MYT1: variants seen among roughly 807,000 people sequenced by gnomAD.
The protein encoded by MYT1 is myelin transcription factor 1, also known as myelin transcription factor I.
A neutral mutation model predicts 123.0 loss-of-function variants in MYT1; 23 were observed. The observed-to-expected ratio is 0.19, with a 90% CI of 0.13 to 0.26. MYT1 has a LOEUF of 0.26. Ranked by LOEUF, MYT1 falls within the 10% of genes least tolerant of loss-of-function variation. The pLI is 1.00. For synonymous variants in MYT1, 518 were observed against 575.3 expected (o/e 0.90, Z 1.43); for missense variants, 1,125 against 1,472.5 (o/e 0.76, Z 3.86).
At chr20:64,199,270 A>T (rs1983218757) in intron 3 of MYT1, among the ~76,000 whole-genome samples, 1 of 152,170 alleles carries the variant, frequency 6.6e-6, no homozygotes, top group Non-Finnish European at 1.5e-5. Context: ...CTTGGTGCTA[A>T]TGGGGCATAG....
chr20:64,204,934 A>G lies in MYT1; in HGVS notation c.87-101A>G, dbSNP rs536163711. 141 of 1,196,764 alleles carry G rather than the reference A, an allele frequency of 1.2e-4. No homozygotes were observed. In the African/African-American group the frequency reaches 1.6e-3, roughly 14 times the overall value. 74.1% of individuals were successfully genotyped at this position (1,196,764 alleles called of 1,614,324 possible). ...ACTGCAGGCAGCCATTCTGAGGTGA[A>G]TCGTCTGGAGACATTCTGCTCCCCA... On this transcript the variant is annotated intron_variant, in intron 4 of 22. Coordinates refer to ENST00000328439, the MANE Select transcript of MYT1 (RefSeq NM_004535.3).
chr20:64,180,509 C>T (rs1982622573), intron 1 of MYT1, among the ~76,000 whole-genome samples: 1 of 152,232 alleles, frequency 6.6e-6, no homozygotes, highest in Non-Finnish European at 1.5e-5. Context: ...CCCCTCTCTG[C>T]AGGCCAACCT....
chr20:64,230,640 C>T (rs150836952), intron 18 of MYT1, among the ~76,000 whole-genome samples: 3 of 152,370 alleles, frequency 2.0e-5, no homozygotes, highest in Non-Finnish European at 4.4e-5. Context: ...CAGGTGTCCC[C>T]CAGGGTCCCA....
rs530449925 is a variant in MYT1 at position 64,168,370 on chromosome 20, C to T, written c.-99+3631C>T. ...CAGGGTTAATGCCATTAGGAGCGTT[C>T]CTTGTGGGAAGATTGGTTTCACCCA... On this transcript the variant is annotated intron_variant, in intron 1 of 22. Transcript: ENST00000328439. The surrounding 1 kb of genome is among the most constrained non-coding windows in gnomAD (Gnocchi z 6.1). Among the ~76,000 whole-genome samples the T allele has an allele frequency of 4.6e-5, 7 of 152,310 alleles. No homozygotes were observed. Among genetic ancestry groups the T allele is most frequent in the African/African-American group, 1.7e-4 (7 of 41,562 alleles).
intron 4 of MYT1, among the ~76,000 whole-genome samples, chr20:64,204,557 C>T (rs554064031): frequency 2.0e-5 from 3 of 152,320 alleles, no homozygotes; most frequent in Non-Finnish European, 4.4e-5. Flanking sequence ...GTCCTGGCTC[C>T]GTTTGCTGGG....
At chr20:64,210,467 G>T (rs969369957) in intron 7 of MYT1, among the ~76,000 whole-genome samples, 7 of 152,202 alleles carry the variant, frequency 4.6e-5, no homozygotes, top group African/African-American at 1.7e-4. Context: ...TGTCCACATG[G>T]GTGGAAGTCT....
chr20:64,177,631 G>A (rs1357327666), intron 1 of MYT1, among the ~76,000 whole-genome samples: 8 of 145,840 alleles, frequency 5.5e-5, no homozygotes, highest in African/African-American at 1.4e-4. Flanking sequence ...CTCCGGGGGC[G>A]GGGACAAGAG....
chr20:64,200,629 G>A (rs972334939), intron 4 of MYT1, among the ~76,000 whole-genome samples: 3 of 152,192 alleles, frequency 2.0e-5, no homozygotes, highest in African/African-American at 7.2e-5. Context: ...TTGGGGTGCT[G>A]CAAGCCCCAG....
At position 64,186,406 on chromosome 20, in the gene MYT1, A is replaced by G. The variant is rs16984240; in HGVS notation, c.-98-3657A>G. ...AGGGATTCAGATTAACTCACTAGAA[A>G]CTCAATAACCCAAGAGAACAGGCTC... On this transcript the variant is annotated intron_variant, in intron 1 of 22. Transcript: ENST00000328439. This position sits in a 1 kb window ranked among gnomAD's most constrained non-coding sequence, Gnocchi z 4.3. 0.16 allele frequency among the ~76,000 whole-genome samples: 24,998 copies of G among 151,970 alleles called. 2,874 individuals are homozygous for G. The highest frequency in any genetic ancestry group is 0.32 in the African/African-American group (13,226 of 41,416).
intron 19 of MYT1, among the ~76,000 whole-genome samples, chr20:64,234,933 T>C (rs1984459859): frequency 6.8e-6 from 1 of 146,058 alleles, no homozygotes. Context: ...TGGCTGGCCA[T>C]GGTGGGTGAC....
At position 64,202,880 on chromosome 20, in the gene MYT1, G is replaced by A. The variant is rs533181756; in HGVS notation, c.87-2155G>A. Among the ~76,000 whole-genome samples the A allele has an allele frequency of 1.3e-5, 2 of 152,256 alleles. No individual in the cohort carries two copies. The highest frequency in any genetic ancestry group is 2.4e-5 in the African/African-American group (1 of 41,542). On this transcript the variant is annotated intron_variant, in intron 4 of 22. Transcript: ENST00000328439. The surrounding 1 kb of genome is among the most constrained non-coding windows in gnomAD (Gnocchi z 5.0). Reference sequence around the variant, plus strand: ...CCTCCTCCCGGAGAAAAGAGGCTCGGGAGTCCTGGAGCCCTGGCCGTCTTC... The same window carrying A: ...CCTCCTCCCGGAGAAAAGAGGCTCGAGAGTCCTGGAGCCCTGGCCGTCTTC...
At chr20:64,226,042 G>A (rs907723072) in intron 16 of MYT1, among the ~76,000 whole-genome samples, 1 of 152,182 alleles carries the variant, frequency 6.6e-6, no homozygotes, top group Non-Finnish European at 1.5e-5. Flanking sequence ...GTGGCCACTT[G>A]CCCACCGCAC....
At position 64,236,538 on chromosome 20, in the gene MYT1, G is replaced by A. The variant is rs950333955; in HGVS notation, c.2898-17G>A. The A allele has an allele frequency of 5.6e-6, 9 of 1,608,550 alleles. No homozygotes were observed. In the African/African-American group the frequency reaches 1.1e-4, roughly 19 times the overall value. ...GTGACCCTGGGCTGGTGAATGATAT[G>A]TGGCCTCTGCTTCCAGTTTGTCAGG... is the stretch of plus-strand genomic sequence containing the variant. On this transcript the variant is annotated splice_polypyrimidine_tract_variant and intron_variant, in intron 19 of 22. Coordinates refer to ENST00000328439, the MANE Select transcript of MYT1 (RefSeq NM_004535.3).
intron 1 of MYT1, among the ~76,000 whole-genome samples, chr20:64,173,254 T>G (rs1982340718): frequency 6.6e-6 from 1 of 152,138 alleles, no homozygotes; most frequent in African/African-American, 2.4e-5. Context: ...CCTCCCCTCC[T>G]GAGCACCGTG....
At chr20:64,223,604 TGCA>T (rs984818474) in intron 16 of MYT1, among the ~76,000 whole-genome samples, 1 of 152,060 alleles carries the variant, frequency 6.6e-6, no homozygotes, top group Non-Finnish European at 1.5e-5. Flanking sequence ...TAGGGGTCGC[TGCA>T]GGCTCCTGCG....
At position 64,240,528 on chromosome 20, in the gene MYT1, A is replaced by G. The variant is rs1267030067; in HGVS notation, c.*80A>G. 8.1e-6 allele frequency: 12 copies of G among 1,486,052 alleles called. No individual in the cohort carries two copies. The highest frequency in any genetic ancestry group is 3.6e-6 in the Non-Finnish European group (4 of 1,118,402). The allele number at this position is 1,486,052 out of a possible 1,614,324, so 92.1% of individuals were successfully genotyped here. On this transcript the variant is annotated 3_prime_UTR_variant, in exon 23 of 23. Coordinates refer to ENST00000328439, the MANE Select transcript of MYT1 (RefSeq NM_004535.3). The stretch of plus-strand genomic sequence containing the variant: ...CTGCCCCGCACCGTGGGGATGCCCA[A>G]CTCACAGTGACTTCCCGTTTGGGGC...
chr20:64,206,121 A>C (rs775707925), intron 6 of MYT1, among the ~76,000 whole-genome samples: 1 of 152,088 alleles, frequency 6.6e-6, no homozygotes, highest in Non-Finnish European at 1.5e-5. Context: ...GAGACAGACA[A>C]GGCTGTGTCT....
At chr20:64,195,354 CTGTGTGTG>C (rs5741790) in intron 2 of MYT1, among the ~76,000 whole-genome samples, 1,508 of 98,824 alleles carry the variant, frequency 0.015, 45 homozygotes, top group African/African-American at 0.043. Flanking sequence ...ATGGTGAGAA[CTGTGTGTG>C]TGTGTGTGTG....
intron 21 of MYT1, 111 bp from the exon 22 acceptor site, chr20:64,239,649 C>G (rs1233189058): frequency 6.8e-7 from 1 of 1,480,844 alleles, no homozygotes; most frequent in Admixed American, 2.0e-5. Context: ...CCTCTTCCCC[C>G]ACCCCAGGGT....
Sources: allele counts gnomAD v4.1 joint callset (sites outside exome capture counted in the v4.1 genomes callset), GRCh38; gene constraint gnomAD v4.1.1; non-coding constraint Gnocchi (gnomAD v3.1); transcripts MANE v1.5; gene names NCBI Gene and HGNC (gene_info 2026-07-23, HGNC 2026-07-21).